FRY: variants seen among roughly 807,000 people sequenced by gnomAD.
The protein encoded by FRY is protein furry homolog.
FRY carries 128 observed loss-of-function variants against 348.4 expected under a neutral mutation model. The ratio of observed to expected loss-of-function variants is 0.37; its 90% CI spans 0.32 to 0.43. FRY has a LOEUF of 0.43. Ranked by LOEUF, FRY falls within the 20% of genes least tolerant of loss-of-function variation. FRY has a pLI of 1.00. For synonymous variants in FRY, 1,370 were observed against 1,374.7 expected (o/e 1.00, Z 0.08); for missense variants, 2,736 against 3,695.2 (o/e 0.74, Z 6.73).
At chr13:32,115,305 A>T (rs2138685218) in intron 3 of FRY, among the ~76,000 whole-genome samples, 1 of 152,274 alleles carries the variant, frequency 6.6e-6, no homozygotes, top group Non-Finnish European at 1.5e-5. Context: ...AAATATTGTG[A>T]GTTAACTAAG....
chr13:32,221,475 A>C (rs1380388219), intron 36 of FRY, among the ~76,000 whole-genome samples: 1 of 152,150 alleles, frequency 6.6e-6, no homozygotes, highest in African/African-American at 2.4e-5. Flanking sequence ...GCATGATAAG[A>C]AATAAACATG....
intron 3 of FRY, among the ~76,000 whole-genome samples, chr13:32,108,790 A>G (rs190089560): frequency 6.6e-6 from 1 of 152,218 alleles, no homozygotes; most frequent in Non-Finnish European, 1.5e-5. Flanking sequence ...AGGCATTGAC[A>G]GGTATAGAGC....
intron 3 of FRY, 24 bp from the exon 4 acceptor site, chr13:32,117,310 A>C: frequency 6.2e-7 from 1 of 1,612,390 alleles, no homozygotes; most frequent in Non-Finnish European, 8.5e-7. Context: ...CCAGTGTTCT[A>C]ATCACCTGCA....
chr13:32,162,014 T>C (rs1005962984), intron 17 of FRY, among the ~76,000 whole-genome samples: 2 of 152,000 alleles, frequency 1.3e-5, no homozygotes, highest in African/African-American at 4.8e-5. Context: ...ATTAGACACG[T>C]GGGATGTGTG....
chr13:32,244,038 A>G lies in FRY; in HGVS notation c.6688-4A>G, dbSNP rs1177104481. On this transcript the variant is annotated splice_region_variant and splice_polypyrimidine_tract_variant and intron_variant, in intron 46 of 60. Transcript: ENST00000542859. ...CTGACTCCAGCCGCACTTTGCCCCC[A>G]CAGCTGCTGGAGAAGGGCCTCCCTA... 1 of 1,613,728 alleles carries G rather than the reference A, an allele frequency of 6.2e-7. No individual in the cohort carries two copies. The highest frequency in any genetic ancestry group is 8.5e-7 in the Non-Finnish European group (1 of 1,179,884).
At position 32,274,844 on chromosome 13, in the gene FRY, T is replaced by C; in HGVS notation, c.8139T>C (p.Asn2713=). The change falls in exon 56 of 61, where the codon AAT becomes AAC. Residue 2713 remains asparagine (N), a splice_region_variant and synonymous_variant. Transcript: ENST00000542859. ...TFHVFSSLFK[N]IQKRFCFLTC... is the part of the protein sequence containing the mutation. ...ATGGTCACTATTTTGCCTTGCAGAATATTCAGAAAAGGTTCTGCTTCCTAA... is the reference window on the plus strand; with the variant it reads ...ATGGTCACTATTTTGCCTTGCAGAACATTCAGAAAAGGTTCTGCTTCCTAA... The C allele has an allele frequency of 6.2e-7, 1 of 1,612,084 alleles. No individual in the cohort carries two copies. Among genetic ancestry groups the C allele is most frequent in the Non-Finnish European group, 8.5e-7 (1 of 1,178,410 alleles).
chr13:32,134,382 T>C (rs561047691), intron 8 of FRY, among the ~76,000 whole-genome samples: 210 of 152,310 alleles, frequency 1.4e-3, no homozygotes, highest in African/African-American at 3.9e-3. Flanking sequence ...CTTATGAAAC[T>C]AGGTGAATAA....
intron 1 of FRY, among the ~76,000 whole-genome samples, chr13:32,074,914 G>T (rs1566057131): frequency 6.6e-6 from 1 of 152,156 alleles, no homozygotes; most frequent in African/African-American, 2.4e-5. Context: ...AGGTGGAGGA[G>T]ACCATACTGA....
At position 32,212,342 on chromosome 13, in the gene FRY, G is replaced by C; in HGVS notation, c.4642G>C (p.Asp1548His). Reference sequence around the variant, plus strand: ...GGTTGCTGGCCAGGAAAATTTCCCAGATGCTGAGGAGAACAAGATATTGAA... The same window carrying C: ...GGTTGCTGGCCAGGAAAATTTCCCACATGCTGAGGAGAACAAGATATTGAA... ...TVVAGQENFP[D>H]AEENKILKES... The change falls in exon 35 of 61, where the codon GAT (aspartate) becomes CAT (histidine). Residue 1548 changes from aspartate to histidine, a missense_variant. This residue lies in a region of FRY where 794 missense variants were observed against 977.0 expected (regional missense o/e 0.81). Transcript: ENST00000542859. 1 of 1,610,614 alleles carries C rather than the reference G, an allele frequency of 6.2e-7. No homozygotes were observed. The highest frequency in any genetic ancestry group is 8.5e-7 in the Non-Finnish European group (1 of 1,177,458).
intron 4 of FRY, among the ~76,000 whole-genome samples, chr13:32,122,666 A>G (rs927594658): frequency 6.6e-6 from 1 of 152,224 alleles, no homozygotes; most frequent in Non-Finnish European, 1.5e-5. Flanking sequence ...TCTTTAACAT[A>G]GTACTAGAAG....
intron 17 of FRY, among the ~76,000 whole-genome samples, chr13:32,166,438 T>C (rs1881741721): frequency 1.3e-5 from 2 of 152,350 alleles, no homozygotes; most frequent in African/African-American, 2.4e-5. Flanking sequence ...ATAGGATTTG[T>C]AAATCTGTAG....
At chr13:32,037,059 A>AC (rs1872550173) in intron 1 of FRY, among the ~76,000 whole-genome samples, 2,098 of 33,488 alleles carry the variant, frequency 0.063, 49 homozygotes, top group African/African-American at 0.14. Flanking sequence ...CACACACACA[A>AC]ACACACACAC....
intron 12 of FRY, 56 bp downstream of exon 12, chr13:32,147,441 T>G: frequency 1.7e-5 from 16 of 921,966 alleles, no homozygotes; most frequent in Non-Finnish European, 2.7e-5. Context: ...GCAGAGGGTG[T>G]TTCTTTTATT....
chr13:32,124,201 G>A (rs952897480), intron 4 of FRY, 85 bp from the exon 5 acceptor site: 1 of 824,220 alleles, frequency 1.2e-6, no homozygotes, highest in Non-Finnish European at 2.1e-6. Context: ...CAGTCTATTA[G>A]GGAGGAGTCC....
Position 32,162,211 on chromosome 13 carries a change from T to C in FRY, c.1892+960T>C, listed in dbSNP as rs776685094. 2.0e-5 allele frequency among the ~76,000 whole-genome samples: 3 copies of C among 152,230 alleles called. No individual in the cohort carries two copies. The East Asian group carries it at 5.8e-4, about 29-fold the overall frequency. On this transcript the variant is annotated intron_variant, in intron 17 of 60. Coordinates refer to ENST00000542859, the MANE Select transcript of FRY (RefSeq NM_023037.3). ...AATAAGATGACAAAAAATGTCAATT[T>C]AGGCTCTATAATCTGATTATGGTAT...
At chr13:32,108,534 C>G (rs1877730784) in intron 3 of FRY, among the ~76,000 whole-genome samples, 1 of 152,068 alleles carries the variant, frequency 6.6e-6, no homozygotes, top group South Asian at 2.1e-4. Flanking sequence ...ATAAAATGAA[C>G]CTGTATTAAA....
At chr13:32,103,904 A>G (rs1877353095) in intron 3 of FRY, among the ~76,000 whole-genome samples, 1 of 152,040 alleles carries the variant, frequency 6.6e-6, no homozygotes, top group Non-Finnish European at 1.5e-5. Flanking sequence ...GGAGGTTGCA[A>G]TTGAGCCGAG....
At position 32,211,030 on chromosome 13, in the gene FRY, C is replaced by T. The variant is rs1275019439; in HGVS notation, c.4587C>T (p.Ala1529=). The stretch of plus-strand genomic sequence containing the variant: ...CCAGTAGCAAGGCTTCCGCAGCAGC[C>T]TCAGGTAAGAAGAGCAACCGGGCAG... ...FTASSKASAA[A]SGTTSSSNTV... Residue 1529 remains alanine, a synonymous_variant, in exon 34 of 61, where the codon GCC becomes GCT. Transcript: ENST00000542859. 1 of 1,613,988 alleles carries T rather than the reference C, an allele frequency of 6.2e-7. No individual in the cohort carries two copies. The highest frequency in any genetic ancestry group is 1.1e-5 in the South Asian group (1 of 91,076).
intron 1 of FRY, among the ~76,000 whole-genome samples, chr13:32,040,090 G>A (rs116207893): frequency 0.018 from 2,782 of 152,286 alleles, 55 homozygotes; most frequent in African/African-American, 0.048. Flanking sequence ...ACTTCTTTGA[G>A]TTTAGCCTTA....
Sources: allele counts gnomAD v4.1 joint callset (sites outside exome capture counted in the v4.1 genomes callset), GRCh38; gene constraint gnomAD v4.1.1; regional missense constraint gnomAD v4.1.1; transcripts MANE v1.5; gene names NCBI Gene and HGNC (gene_info 2026-07-23, HGNC 2026-07-21).